HPSE2: variants seen among roughly 807,000 people sequenced by gnomAD.
The protein encoded by HPSE2 is inactive heparanase-2.
HPSE2 carries 38 observed loss-of-function variants against 60.5 expected under a neutral mutation model. That is an observed-to-expected ratio of 0.63 (90% CI 0.48 to 0.82). The LOEUF is 0.82. HPSE2 is among the 40% of genes least tolerant of loss of function. The pLI is 0.00. For missense variants in HPSE2, 713 were observed against 740.4 expected (o/e 0.96, Z 0.43); for synonymous variants, 295 against 293.2 (o/e 1.01, Z -0.06).
chr10:98,860,614 A>G (rs1299857013), intron 3 of HPSE2, among the ~76,000 whole-genome samples: 1 of 152,190 alleles, frequency 6.6e-6, no homozygotes, highest in African/African-American at 2.4e-5. Context: ...TCCAAGTCAC[A>G]CTTCTAGTAA....
chr10:98,970,662 A>G (rs1304132871), intron 3 of HPSE2, among the ~76,000 whole-genome samples: 1 of 152,234 alleles, frequency 6.6e-6, no homozygotes, highest in Non-Finnish European at 1.5e-5. Context: ...AACACAAAAA[A>G]GTGGCCTAAA....
At chr10:98,634,520 TTTTG>T (rs140598182) in intron 7 of HPSE2, among the ~76,000 whole-genome samples, 36,568 of 150,070 alleles carry the variant, frequency 0.24, 4,507 homozygotes, top group Admixed American at 0.32. Context: ...AGAAGTGGGT[TTTTG>T]TTTGTTTGTT....
intron 3 of HPSE2, among the ~76,000 whole-genome samples, chr10:98,836,221 T>C (rs1951787013): frequency 6.6e-6 from 1 of 152,254 alleles, no homozygotes. Flanking sequence ...GTCTCATTCG[T>C]GAATTGCTGA....
At chr10:99,006,448 T>C (rs1956895812) in intron 3 of HPSE2, among the ~76,000 whole-genome samples, 1 of 152,294 alleles carries the variant, frequency 6.6e-6, no homozygotes, top group East Asian at 1.9e-4. Flanking sequence ...CCAGAGGCTA[T>C]GACCTGGTGC....
the HPSE2 span, among the ~76,000 whole-genome samples, chr10:99,253,272 G>A: frequency 6.6e-6 from 1 of 152,132 alleles, no homozygotes; most frequent in African/African-American, 2.4e-5. Context: ...ACCACTCATA[G>A]TACTGGTATA....
intron 3 of HPSE2, among the ~76,000 whole-genome samples, chr10:99,116,040 C>A (rs1017234257): frequency 6.6e-6 from 1 of 152,106 alleles, no homozygotes; most frequent in Non-Finnish European, 1.5e-5. Flanking sequence ...CTAATACCAA[C>A]AAATGTTCAT....
At position 98,620,653 on chromosome 10, in the gene HPSE2, G is replaced by A. The variant is rs200583760; in HGVS notation, c.1154C>T (p.Thr385Ile). The change falls in exon 8 of 12, where the codon ACC becomes ATC. Residue 385 changes from threonine to isoleucine, a missense_variant. By Grantham distance (89) the Thr-to-Ile change is moderately conservative (BLOSUM62 -1). Transcript: ENST00000370552. The part of the protein sequence containing the change: ...KKIWLEGVVT[T>I]SAGGTNNLSD... Reference sequence around the variant, plus strand: ...TAGATTGTTTGTGCCTCCAGCTGAGGTGGTCACCACACCTTCAAGCCAAAT... The same window carrying A: ...TAGATTGTTTGTGCCTCCAGCTGAGATGGTCACCACACCTTCAAGCCAAAT... The A allele has an allele frequency of 2.9e-4, 463 of 1,614,094 alleles. 6 individuals carry two copies. In the South Asian group the frequency reaches 4.7e-3, roughly 17 times the overall value.
intron 7 of HPSE2, among the ~76,000 whole-genome samples, chr10:98,626,105 C>CAAAA (rs577298322): frequency 2.1e-4 from 16 of 75,534 alleles, no homozygotes; most frequent in African/African-American, 8.5e-4. Flanking sequence ...GACTCCGTCT[C>CAAAA]AAAAAAAAAA....
chr10:98,688,465 C>CTTTTTTTTTTTTTT lies in HPSE2; in HGVS notation c.1004+5434_1004+5435insAAAAAAAAAAAAAA, dbSNP rs562095149. Among the ~76,000 whole-genome samples, 453 of 103,726 alleles carry CTTTTTTTTTTTTTT rather than the reference C, an allele frequency of 4.4e-3. 20 individuals carry two copies. Among genetic ancestry groups the CTTTTTTTTTTTTTT allele is most frequent in the Non-Finnish European group, 5.3e-3 (285 of 53,990 alleles). 68.0% of individuals were successfully genotyped at this position (103,726 alleles called of 152,430 possible). A position where few individuals can be genotyped will look rare whatever the true frequency, so the allele number is the denominator to read the frequency against. On this transcript the variant is annotated intron_variant, in intron 6 of 11. Coordinates refer to ENST00000370552, the MANE Select transcript of HPSE2 (RefSeq NM_021828.5). ...GTCTGAAGAATTTCCTTTAGCATTT[C>CTTTTTTTTTTTTTT]TTTTTTTTTTTCTTTTTTTTTTTTT...
At chr10:99,258,634 T>C in the HPSE2 span, among the ~76,000 whole-genome samples, 6 of 152,170 alleles carry the variant, frequency 3.9e-5, no homozygotes, top group Non-Finnish European at 8.8e-5. Context: ...AATCTTATTA[T>C]AAAGCTACAG....
chr10:98,823,314 G>T (rs1183200954), intron 3 of HPSE2, among the ~76,000 whole-genome samples: 2 of 152,096 alleles, frequency 1.3e-5, no homozygotes, highest in Non-Finnish European at 2.9e-5. Context: ...AATATAGATG[G>T]ATTACTATAA....
At chr10:99,305,979 G>GCGCGCGCGCGCGCACACA in the HPSE2 span, among the ~76,000 whole-genome samples, 1 of 80,580 alleles carries the variant, frequency 1.2e-5, no homozygotes, top group African/African-American at 5.4e-5. Flanking sequence ...GCGCGCGCGC[G>GCGCGCGCGCGCGCACACA]CACACACACA....
At chr10:99,268,716 T>C in the HPSE2 span, among the ~76,000 whole-genome samples, 1 of 151,328 alleles carries the variant, frequency 6.6e-6, no homozygotes, top group African/African-American at 2.4e-5. Context: ...AATTGATTAA[T>C]TAATTAAATA....
chr10:98,459,419 A>G lies in HPSE2; in HGVS notation c.*155T>C. On this transcript the variant is annotated 3_prime_UTR_variant, in exon 12 of 12. Transcript: ENST00000370552. ...ACCTAGGCTAAGATCACGCTATGAC[A>G]TTTAGTCTCTTTGGAGAGCAAGTCT... 1 of 866,188 alleles carries G rather than the reference A, an allele frequency of 1.2e-6. No individual in the cohort carries two copies. The highest frequency in any genetic ancestry group is 1.9e-6 in the Non-Finnish European group (1 of 515,294). The allele number at this position is 866,188 out of a possible 1,614,324, so 53.7% of individuals were successfully genotyped here.
chr10:98,581,840 TGA>T (rs1220597470), intron 9 of HPSE2, among the ~76,000 whole-genome samples: 1 of 152,266 alleles, frequency 6.6e-6, no homozygotes, highest in Non-Finnish European at 1.5e-5. Flanking sequence ...TGGTTTCTGT[TGA>T]GTTTTAATAA....
At chr10:99,046,760 T>C (rs1031699474) in intron 3 of HPSE2, among the ~76,000 whole-genome samples, 1 of 151,930 alleles carries the variant, frequency 6.6e-6, no homozygotes, top group Non-Finnish European at 1.5e-5. Flanking sequence ...CCTAGGAATA[T>C]AGCTAACTAA....
intron 9 of HPSE2, among the ~76,000 whole-genome samples, chr10:98,538,503 T>G (rs1477307976): frequency 6.6e-6 from 1 of 152,154 alleles, no homozygotes; most frequent in African/African-American, 2.4e-5. Context: ...ATTCCCTATG[T>G]CTATATAATG....
intron 3 of HPSE2, among the ~76,000 whole-genome samples, chr10:98,814,701 A>G (rs767637874): frequency 1.3e-5 from 2 of 152,216 alleles, no homozygotes; most frequent in Non-Finnish European, 1.5e-5. Context: ...AAGTATTACA[A>G]TGCTCCAGGG....
intron 9 of HPSE2, among the ~76,000 whole-genome samples, chr10:98,531,689 G>C (rs571683898): frequency 1.3e-5 from 2 of 152,278 alleles, no homozygotes; most frequent in Admixed American, 6.5e-5. Context: ...AGGCATGTGG[G>C]CTTTTTCTTT....
Sources: gnomAD v4.1 joint callset for allele counts (sites outside exome capture counted in the v4.1 genomes callset) on GRCh38, gnomAD v4.1.1 for gene constraint, MANE v1.5 for transcripts, NCBI Gene and HGNC (gene_info 2026-07-23, HGNC 2026-07-21) for gene names.